RRAS2: variants seen among roughly 807,000 people sequenced by gnomAD.
The protein encoded by RRAS2 is ras-related protein R-Ras2.
Under a neutral mutation model 27.6 loss-of-function variants are expected in RRAS2, and 7 were observed. The ratio of observed to expected loss-of-function variants is 0.25; its 90% CI spans 0.14 to 0.48. The LOEUF is 0.48. Ranked by LOEUF, RRAS2 falls within the 20% of genes least tolerant of loss-of-function variation. The probability of loss-of-function intolerance (pLI) is 0.99; values close to 1 mark genes in which losing one functional copy is unlikely to be tolerated. For synonymous variants in RRAS2, 86 were observed against 90.9 expected, an observed-to-expected ratio of 0.95 and a Z score of 0.31; for missense variants, 178 against 256.2, an observed-to-expected ratio of 0.69 and a Z score of 2.08.
intron 1 of RRAS2, among the ~76,000 whole-genome samples, chr11:14,310,138 T>G (rs1847926677): frequency 6.6e-6 from 1 of 152,182 alleles, no homozygotes; most frequent in African/African-American, 2.4e-5. Flanking sequence ...GACTCAAAGA[T>G]GATGCCAAGT....
At chr11:14,291,687 TA>T (rs560383774) in intron 4 of RRAS2, among the ~76,000 whole-genome samples, 25 of 143,768 alleles carry the variant, frequency 1.7e-4, no homozygotes, top group East Asian at 1.4e-3. Flanking sequence ...TTACAAAAAG[TA>T]AAAAAAAAAA....
At chr11:14,334,092 T>A (rs16913831) in intron 1 of RRAS2, among the ~76,000 whole-genome samples, 1,556 of 152,346 alleles carry the variant, frequency 0.01, 21 homozygotes, top group African/African-American at 0.036. Flanking sequence ...AATTACTTCA[T>A]CAGAAAAAGT....
chr11:14,340,796 C>T (rs1306741921), intron 1 of RRAS2, among the ~76,000 whole-genome samples: 2 of 152,146 alleles, frequency 1.3e-5, no homozygotes, highest in Non-Finnish European at 2.9e-5. Flanking sequence ...TTTCCACCTT[C>T]CCCAACCTTC....
At chr11:14,290,393 G>A (rs190357957) in intron 4 of RRAS2, among the ~76,000 whole-genome samples, 1 of 152,232 alleles carries the variant, frequency 6.6e-6, no homozygotes, top group Non-Finnish European at 1.5e-5. Context: ...ATGTTGCAGT[G>A]AGCGGAGATC....
At chr11:14,299,146 C>A (rs540526296) in intron 1 of RRAS2, among the ~76,000 whole-genome samples, 118 of 152,116 alleles carry the variant, frequency 7.8e-4, no homozygotes, top group Non-Finnish European at 1.4e-3. Flanking sequence ...TAAATGTCAA[C>A]CATAATAATA....
At chr11:14,300,759 A>T (rs892141906) in intron 1 of RRAS2, among the ~76,000 whole-genome samples, 15 of 152,156 alleles carry the variant, frequency 9.9e-5, no homozygotes, top group Non-Finnish European at 2.2e-4. Flanking sequence ...CCCCATTCAA[A>T]GAAGCCACGT....
intron 1 of RRAS2, among the ~76,000 whole-genome samples, chr11:14,329,090 C>T (rs2134008160): frequency 6.6e-6 from 1 of 150,730 alleles, no homozygotes; most frequent in Non-Finnish European, 1.5e-5. Context: ...CACACACACA[C>T]ACACACACGC....
chr11:14,355,038 T>C (rs1849043530), intron 1 of RRAS2, among the ~76,000 whole-genome samples: 1 of 152,060 alleles, frequency 6.6e-6, no homozygotes, highest in Non-Finnish European at 1.5e-5. Flanking sequence ...CTGCATTATT[T>C]TATTTACTCC....
rs543820344 is a variant in RRAS2 at position 14,352,370 on chromosome 11, C to G, written c.108+6393G>C. Among the ~76,000 whole-genome samples, 4 of 152,246 alleles carry G rather than the reference C, an allele frequency of 2.6e-5. No individual in the cohort carries two copies. In the South Asian group the frequency reaches 8.3e-4, roughly 32 times the overall value. On this transcript the variant is annotated intron_variant, in intron 1 of 5. Transcript: ENST00000256196. The stretch of plus-strand genomic sequence containing the variant: ...TTATAAGACATCAAGGAGCTCAGTC[C>G]AATTATTCTCAAGTACAATTTAAGA...
intron 1 of RRAS2, among the ~76,000 whole-genome samples, chr11:14,329,068 T>TACATAC (rs1848431473): frequency 7.1e-6 from 1 of 141,690 alleles, no homozygotes; most frequent in Admixed American, 7.0e-5. Context: ...CACATATACA[T>TACATAC]ACACACACAC....
At chr11:14,351,371 A>G (rs781793400) in intron 1 of RRAS2, among the ~76,000 whole-genome samples, 18 of 152,182 alleles carry the variant, frequency 1.2e-4, no homozygotes, top group Non-Finnish European at 2.2e-4. Flanking sequence ...TCTACACATC[A>G]GGTAATAGTA....
At chr11:14,357,506 C>T (rs1849108110) in intron 1 of RRAS2, among the ~76,000 whole-genome samples, 1 of 152,152 alleles carries the variant, frequency 6.6e-6, no homozygotes, top group South Asian at 2.1e-4. Context: ...ACTGTAAATG[C>T]TCATTACATA....
In RRAS2 at chr11:14,278,802, C is replaced by T. The variant is rs1222380085; in HGVS notation, c.*535G>A. On this transcript the variant is annotated 3_prime_UTR_variant, in exon 6 of 6. Coordinates refer to ENST00000256196, the MANE Select transcript of RRAS2 (RefSeq NM_012250.6). ...TACAACAGGCATTTGGTATTTTGGC[C>T]ATCAGAAAACAAAAGTTGTAGTATC... 6.6e-6 allele frequency: 1 copy of T among 152,522 alleles called. No individual in the cohort carries two copies. The highest frequency in any genetic ancestry group is 6.5e-5 in the Admixed American group (1 of 15,314). The allele number at this position is 152,522 out of a possible 1,614,324, so 9.4% of individuals were successfully genotyped here.
intron 1 of RRAS2, among the ~76,000 whole-genome samples, chr11:14,304,229 C>T (rs1847781153): frequency 6.6e-6 from 1 of 152,206 alleles, no homozygotes. Flanking sequence ...TGGAGCCTCC[C>T]TCATCATTTG....
intron 1 of RRAS2, among the ~76,000 whole-genome samples, chr11:14,299,738 G>A (rs149259299): frequency 2.0e-3 from 300 of 152,304 alleles, no homozygotes; most frequent in Non-Finnish European, 3.5e-3. Flanking sequence ...TCAGAGTCCA[G>A]TGCCTTTTAT....
intron 1 of RRAS2, among the ~76,000 whole-genome samples, chr11:14,337,518 C>T (rs1230831600): frequency 1.3e-5 from 2 of 151,416 alleles, no homozygotes; most frequent in African/African-American, 4.8e-5. Context: ...CTCATATCAT[C>T]ATAAGAATAT....
At chr11:14,346,334 TGA>T (rs1172979079) in intron 1 of RRAS2, among the ~76,000 whole-genome samples, 2 of 152,204 alleles carry the variant, frequency 1.3e-5, no homozygotes, top group African/African-American at 2.4e-5. Context: ...TTCCCAGACC[TGA>T]GAGTGTTTCA....
At chr11:14,288,990 T>C (rs1258698821) in intron 4 of RRAS2, among the ~76,000 whole-genome samples, 1 of 152,196 alleles carries the variant, frequency 6.6e-6, no homozygotes, top group Non-Finnish European at 1.5e-5. Context: ...ATGCTAACGA[T>C]AAAGCCTGAA....
chr11:14,340,823 C>G (rs1334924668), intron 1 of RRAS2, among the ~76,000 whole-genome samples: 1 of 152,180 alleles, frequency 6.6e-6, no homozygotes, highest in East Asian at 1.9e-4. Context: ...TTACCTACCC[C>G]TACCCATTTC....
Sources: allele counts gnomAD v4.1 joint callset (sites outside exome capture counted in the v4.1 genomes callset), GRCh38; gene constraint gnomAD v4.1.1; transcripts MANE v1.5; gene names NCBI Gene and HGNC (gene_info 2026-07-23, HGNC 2026-07-21).